LRGUK: variants seen among roughly 807,000 people sequenced by gnomAD.
LRGUK encodes the protein leucine rich repeats and guanylate kinase domain containing.
A neutral mutation model predicts 76.0 loss-of-function variants in LRGUK; 65 were observed. The ratio of observed to expected loss-of-function variants is 0.85; its 90% CI spans 0.70 to 1.05. The LOEUF is 1.05. Ranked by LOEUF, LRGUK falls within the 50% of genes least tolerant of loss-of-function variation. The pLI is 0.00. For missense variants in LRGUK, 758 were observed against 732.8 expected, an observed-to-expected ratio of 1.03 and a Z score of -0.40; for synonymous variants, 268 against 265.6, an observed-to-expected ratio of 1.01 and a Z score of -0.09.
intron 15 of LRGUK, among the ~76,000 whole-genome samples, chr7:134,202,652 T>A (rs1414529984): frequency 1.3e-5 from 2 of 152,204 alleles, no homozygotes; most frequent in Non-Finnish European, 1.5e-5. Context: ...TACACATAGA[T>A]GAACCTTGAA....
chr7:134,249,190 A>C, intron 18 of LRGUK, 114 bp downstream of exon 18: 2 of 1,177,450 alleles, frequency 1.7e-6, no homozygotes, highest in Non-Finnish European at 2.3e-6. Context: ...CAGGGCCCTA[A>C]CTCCCGCTGT....
intron 7 of LRGUK, among the ~76,000 whole-genome samples, chr7:134,167,124 C>G (rs1486943155): frequency 6.6e-6 from 1 of 152,298 alleles, no homozygotes; most frequent in Admixed American, 6.5e-5. Context: ...GGCCAACATA[C>G]TCCTGCCCTG....
chr7:134,246,945 A>G (rs1189603671), intron 16 of LRGUK, among the ~76,000 whole-genome samples: 1 of 152,200 alleles, frequency 6.6e-6, no homozygotes, highest in Admixed American at 6.5e-5. Context: ...ATCCTCTGTT[A>G]TTTATAAAAC....
intron 2 of LRGUK, 148 bp from the exon 3 acceptor site, chr7:134,139,288 T>G: frequency 1.7e-6 from 1 of 593,302 alleles, no homozygotes; most frequent in Non-Finnish European, 3.0e-6. Context: ...TGAGATCCTA[T>G]TAGTAGCAGG....
chr7:134,212,267 A>G (rs1257996543), downstream of LRGUK, among the ~76,000 whole-genome samples: 1 of 152,224 alleles, frequency 6.6e-6, no homozygotes, highest in Non-Finnish European at 1.5e-5. Flanking sequence ...CTATGTATGG[A>G]CACTATACTC....
chr7:134,143,006 C>T lies in LRGUK; in HGVS notation c.488-56C>T, dbSNP rs916996260. On this transcript the variant is annotated intron_variant, in intron 3 of 15. Coordinates refer to ENST00000645682, the Ensembl canonical transcript of LRGUK. ...GATGTCATGTACACTGTTTTTAATG[C>T]CTTTGTCTTGTTATTTTATTGGCTT... 42 of 907,800 alleles carry T rather than the reference C, an allele frequency of 4.6e-5. No homozygotes were observed. In the East Asian group the frequency reaches 6.6e-4, roughly 14 times the overall value. The allele number at this position is 907,800 out of a possible 1,614,324, so 56.2% of individuals were successfully genotyped here.
At chr7:134,210,157 C>T in exon 16 of LRGUK, 1 of 399,354 alleles carries the variant, frequency 2.5e-6, no homozygotes, top group Non-Finnish European at 4.4e-6. Flanking sequence ...CTGGGAACCA[C>T]CAGCCAGCCT....
In LRGUK at chr7:134,255,409, G is replaced by A. The variant is rs375730657; in HGVS notation, c.2199-2848G>A. On this transcript the variant is annotated intron_variant, in intron 18 of 19. Coordinates refer to the LRGUK transcript ENST00000285928. ...CTGAGGTCTGAACCAAAGCCAAAAG[G>A]CTCGAATCTTTGTGCTAAGCCACTT... is the stretch of plus-strand genomic sequence containing the variant. 2.1e-4 allele frequency among the ~76,000 whole-genome samples: 32 copies of A among 152,248 alleles called. No individual in the cohort carries two copies. The East Asian group carries it at 3.9e-3, about 18-fold the overall frequency.
chr7:134,251,533 G>A (rs1167754172), intron 18 of LRGUK, among the ~76,000 whole-genome samples: 2 of 152,162 alleles, frequency 1.3e-5, no homozygotes, highest in Non-Finnish European at 2.9e-5. Context: ...GGCAGCCGGA[G>A]CAAACTAATA....
At chr7:134,254,449 G>T (rs1251756562) in intron 18 of LRGUK, among the ~76,000 whole-genome samples, 1 of 152,150 alleles carries the variant, frequency 6.6e-6, no homozygotes, top group Non-Finnish European at 1.5e-5. Flanking sequence ...GGGAGTTTAA[G>T]ATCAAGTGCC....
At chr7:134,150,558 A>G (rs943374174) in intron 5 of LRGUK, among the ~76,000 whole-genome samples, 2 of 152,098 alleles carry the variant, frequency 1.3e-5, no homozygotes, top group Non-Finnish European at 2.9e-5. Flanking sequence ...CTAGCCAGAA[A>G]GAATTCAGCA....
chr7:134,139,840 T>C (rs1381993878), intron 3 of LRGUK, among the ~76,000 whole-genome samples: 1 of 152,230 alleles, frequency 6.6e-6, no homozygotes, highest in Non-Finnish European at 1.5e-5. Flanking sequence ...TTCTTTTCTT[T>C]TCCTCTGTTA....
intron 19 of LRGUK, among the ~76,000 whole-genome samples, chr7:134,260,089 C>T (rs1019459315): frequency 6.6e-6 from 1 of 152,128 alleles, no homozygotes; most frequent in Non-Finnish European, 1.5e-5. Context: ...CATTTCTCTA[C>T]TGGCTGGCTG....
chr7:134,212,293 T>C (rs1435933392), downstream of LRGUK, among the ~76,000 whole-genome samples: 2 of 152,194 alleles, frequency 1.3e-5, no homozygotes, highest in African/African-American at 4.8e-5. Context: ...AAAAAGAGGA[T>C]AATTGTGACT....
At chr7:134,177,122 C>A in intron 9 of LRGUK, 59 bp downstream of exon 9, 2 of 985,604 alleles carry the variant, frequency 2.0e-6, no homozygotes, top group Non-Finnish European at 1.5e-6. Context: ...CTCAAAAGCT[C>A]GTGTTGCCTG....
At chr7:134,136,875 A>T (rs1472095574) in intron 1 of LRGUK, 148 bp from the exon 2 acceptor site, 1 of 613,546 alleles carries the variant, frequency 1.6e-6, no homozygotes, top group Non-Finnish European at 2.9e-6. Context: ...TATGTTATCA[A>T]CACAGAATTT....
At chr7:134,272,191 A>G in the LRGUK span, among the ~76,000 whole-genome samples, 2 of 152,152 alleles carry the variant, frequency 1.3e-5, no homozygotes, top group Admixed American at 1.3e-4. Flanking sequence ...TTTTCTTCCT[A>G]GTTTAATAGG....
chr7:134,135,870 A>C (rs777572202), intron 1 of LRGUK, among the ~76,000 whole-genome samples: 3 of 152,062 alleles, frequency 2.0e-5, no homozygotes, highest in Admixed American at 6.5e-5. Flanking sequence ...GTTAGCCAGG[A>C]TGGTCTCGAT....
In LRGUK at chr7:134,163,548, T is replaced by A. The variant is rs1798846983; in HGVS notation, c.939+8T>A. The stretch of plus-strand genomic sequence containing the variant: ...AACCTGGAGGATAATAAGGTAGTGT[T>A]GCACTTCACATGTCTTGGTTTCAGT... On this transcript the variant is annotated splice_region_variant and intron_variant, in intron 7 of 15. Transcript: ENST00000645682. 8 of 1,602,368 alleles carry A rather than the reference T, an allele frequency of 5.0e-6. No individual in the cohort carries two copies. Among genetic ancestry groups the A allele is most frequent in the Non-Finnish European group, 6.8e-6 (8 of 1,174,294 alleles).
Sources: allele counts gnomAD v4.1 joint callset (sites outside exome capture counted in the v4.1 genomes callset), GRCh38; gene constraint gnomAD v4.1.1; transcripts MANE v1.5; gene names NCBI Gene and HGNC (gene_info 2026-07-23, HGNC 2026-07-21).